Variants in GRM7 observed in about 807,000 individuals in gnomAD.
The protein encoded by GRM7 is glutamate metabotropic receptor 7, also known as metabotropic glutamate receptor 7.
Under a neutral mutation model 84.5 loss-of-function variants are expected in GRM7, and 35 were observed. That is an observed-to-expected ratio of 0.41 (90% CI 0.32 to 0.55). The LOEUF (loss-of-function observed/expected upper bound fraction) is 0.55. Ranked by LOEUF, GRM7 falls within the 20% of genes least tolerant of loss-of-function variation. The probability of loss-of-function intolerance (pLI) is 0.19; values close to 1 mark genes in which losing one functional copy is unlikely to be tolerated. For missense variants in GRM7, 1,003 were observed against 1,194.6 expected (o/e 0.84, Z 2.36); for synonymous variants, 487 against 455.1 (o/e 1.07, Z -0.89).
At chr3:7,127,923 C>A (rs1693455142) in intron 1 of GRM7, among the ~76,000 whole-genome samples, 1 of 151,904 alleles carries the variant, frequency 6.6e-6, no homozygotes, top group African/African-American at 2.4e-5. Flanking sequence ...AGATTAAGAT[C>A]AGAATGAAAA....
chr3:7,039,438 G>A (rs17046677), intron 1 of GRM7, among the ~76,000 whole-genome samples: 20,076 of 152,164 alleles, frequency 0.13, 4,544 homozygotes, highest in African/African-American at 0.46. Flanking sequence ...AGTGCACAGA[G>A]GTAAAAAGTA....
chr3:7,129,712 A>G (rs1304244529), intron 1 of GRM7, among the ~76,000 whole-genome samples: 2 of 152,216 alleles, frequency 1.3e-5, no homozygotes, highest in Non-Finnish European at 2.9e-5. Context: ...AATGGAATTG[A>G]CATTCTAGGA....
intron 8 of GRM7, among the ~76,000 whole-genome samples, chr3:7,584,150 CAT>C (rs1343869277): frequency 6.6e-6 from 1 of 152,174 alleles, no homozygotes; most frequent in African/African-American, 2.4e-5. Context: ...GTTTTCAACA[CAT>C]AGCACATAGA....
At chr3:7,467,764 A>G (rs1698522157) in intron 7 of GRM7, among the ~76,000 whole-genome samples, 1 of 152,228 alleles carries the variant, frequency 6.6e-6, no homozygotes, top group Admixed American at 6.5e-5. Context: ...TTTATGTAAC[A>G]TACTCTTTCT....
intron 7 of GRM7, among the ~76,000 whole-genome samples, chr3:7,522,847 G>T (rs1444624664): frequency 2.0e-5 from 3 of 152,090 alleles, no homozygotes; most frequent in African/African-American, 7.2e-5. Flanking sequence ...AGGGTTTGAT[G>T]AGGTAATAAA....
chr3:7,384,181 A>C (rs1177196628), intron 4 of GRM7, among the ~76,000 whole-genome samples: 1 of 152,080 alleles, frequency 6.6e-6, no homozygotes, highest in Non-Finnish European at 1.5e-5. Flanking sequence ...GGCACACGCC[A>C]CTGTGCCTGG....
chr3:7,516,623 G>T (rs1700402486), intron 7 of GRM7, among the ~76,000 whole-genome samples: 1 of 151,884 alleles, frequency 6.6e-6, no homozygotes, highest in Non-Finnish European at 1.5e-5. Flanking sequence ...ATCACTGAAG[G>T]TCCTTGGTGA....
intron 1 of GRM7, among the ~76,000 whole-genome samples, chr3:7,035,323 T>C (rs1696346742): frequency 6.6e-6 from 1 of 152,142 alleles, no homozygotes; most frequent in Non-Finnish European, 1.5e-5. Context: ...TTTCAGGTGA[T>C]TTAGTCAGTC....
At chr3:7,083,329 A>T (rs1016240219) in intron 1 of GRM7, among the ~76,000 whole-genome samples, 16 of 152,180 alleles carry the variant, frequency 1.1e-4, no homozygotes, top group Non-Finnish European at 1.8e-4. Flanking sequence ...TTAGCAATAA[A>T]GTATTTTTAA....
At chr3:6,897,644 A>G (rs1271978629) in intron 1 of GRM7, among the ~76,000 whole-genome samples, 1 of 152,236 alleles carries the variant, frequency 6.6e-6, no homozygotes, top group Non-Finnish European at 1.5e-5. Context: ...ATCATCGTTC[A>G]GAATGTATTA....
At position 7,032,446 on chromosome 3, in the gene GRM7, C is replaced by T. The variant is rs140276696; in HGVS notation, c.520-114006C>T. Among the ~76,000 whole-genome samples the T allele has an allele frequency of 1.6e-4, 24 of 152,198 alleles. No individual in the cohort carries two copies. In the East Asian group the frequency reaches 4.3e-3, roughly 27 times the overall value. On this transcript the variant is annotated intron_variant, in intron 1 of 9. Coordinates refer to ENST00000357716, the MANE Select transcript of GRM7 (RefSeq NM_000844.4). The stretch of plus-strand genomic sequence containing the variant: ...GCACTTAGGAGTGTAGAACCTAATA[C>T]GTGTTCAAAAAATGTTAGTTGTTAT...
chr3:7,237,029 C>A (rs1697371375), intron 2 of GRM7, among the ~76,000 whole-genome samples: 2 of 152,010 alleles, frequency 1.3e-5, no homozygotes, highest in South Asian at 4.2e-4. Context: ...TATATACAGC[C>A]CGGTCATCAG....
intron 5 of GRM7, chr3:7,451,844 A>C (rs2124890524): frequency 6.6e-6 from 1 of 152,372 alleles, no homozygotes; most frequent in East Asian, 1.9e-4. Flanking sequence ...TGACCAGTGA[A>C]AGGGATCTGG....
At chr3:7,235,992 G>C (rs953667566) in intron 2 of GRM7, among the ~76,000 whole-genome samples, 1 of 152,142 alleles carries the variant, frequency 6.6e-6, no homozygotes, top group Non-Finnish European at 1.5e-5. Context: ...GGGAGGTCCA[G>C]GATCAAGGTC....
At chr3:6,902,765 G>T (rs1696433869) in intron 1 of GRM7, among the ~76,000 whole-genome samples, 1 of 151,802 alleles carries the variant, frequency 6.6e-6, no homozygotes, top group Non-Finnish European at 1.5e-5. Context: ...CCTTCAATTT[G>T]ACTTGCTCAA....
intron 1 of GRM7, among the ~76,000 whole-genome samples, chr3:6,880,119 G>C (rs920622319): frequency 1.3e-5 from 2 of 152,124 alleles, no homozygotes; most frequent in Non-Finnish European, 2.9e-5. Context: ...TAGGGATTTG[G>C]CAATCAGGGT....
intron 1 of GRM7, among the ~76,000 whole-genome samples, chr3:6,898,738 C>T (rs1182140632): frequency 1.3e-5 from 2 of 150,728 alleles, no homozygotes; most frequent in African/African-American, 2.4e-5. Context: ...ACTCTGGAGG[C>T]GAAGGCAGGA....
intron 1 of GRM7, among the ~76,000 whole-genome samples, chr3:6,983,695 C>G (rs780737422): frequency 6.6e-6 from 1 of 152,036 alleles, no homozygotes; most frequent in Non-Finnish European, 1.5e-5. Context: ...TGCAGTTCAT[C>G]TATAAGTTAA....
chr3:7,444,882 C>T (rs948183303), intron 5 of GRM7, among the ~76,000 whole-genome samples: 1 of 152,146 alleles, frequency 6.6e-6, no homozygotes, highest in Non-Finnish European at 1.5e-5. Context: ...AGTTTTTCTC[C>T]TTTGCTGTAA....
Sources: gnomAD v4.1 joint callset for allele counts (sites outside exome capture counted in the v4.1 genomes callset) on GRCh38, gnomAD v4.1.1 for gene constraint, MANE v1.5 for transcripts, NCBI Gene and HGNC (gene_info 2026-07-23, HGNC 2026-07-21) for gene names.